The following YTHDF1 variants were observed in gnomAD, a reference collection of about 807,000 sequenced individuals.
YTHDF1 encodes the protein YTH N6-methyladenosine RNA binding protein F1.
A neutral mutation model predicts 49.1 loss-of-function variants in YTHDF1; 16 were observed. The observed-to-expected ratio is 0.33, with a 90% CI of 0.22 to 0.49. The LOEUF (loss-of-function observed/expected upper bound fraction) is 0.49. Ranked by LOEUF, YTHDF1 falls within the 20% of genes least tolerant of loss-of-function variation. YTHDF1 has a pLI of 0.99. For missense variants in YTHDF1, 621 were observed against 744.3 expected (o/e 0.83, Z 1.93); for synonymous variants, 313 against 290.1 (o/e 1.08, Z -0.80).
In YTHDF1 at chr20:63,210,864, C is replaced by G. The variant is rs1295670244; in HGVS notation, c.132+3000G>C. On this transcript the variant is annotated intron_variant, in intron 3 of 4. Transcript: ENST00000370339. ...CCTTCACTCCCAGTTCCTCTGCTCCCCCAACTCCCATTCAAGTCACAGACT... is the reference window on the plus strand; with the variant it reads ...CCTTCACTCCCAGTTCCTCTGCTCCGCCAACTCCCATTCAAGTCACAGACT... 2.0e-5 allele frequency among the ~76,000 whole-genome samples: 3 copies of G among 152,074 alleles called. No individual in the cohort carries two copies. The East Asian group carries it at 5.8e-4, about 29-fold the overall frequency.
At chr20:63,206,675 G>A (rs1438860015) in intron 3 of YTHDF1, among the ~76,000 whole-genome samples, 1 of 152,214 alleles carries the variant, frequency 6.6e-6, no homozygotes, top group Non-Finnish European at 1.5e-5. Context: ...CAGGCAGGCT[G>A]GATACAGTGA....
Position 63,202,992 on chromosome 20 carries a change from C to G in YTHDF1, c.948G>C (p.Gln316His). The G allele has an allele frequency of 6.2e-7, 1 of 1,613,070 alleles. No individual in the cohort carries two copies. Among genetic ancestry groups the G allele is most frequent in the Non-Finnish European group, 8.5e-7 (1 of 1,179,802 alleles). ...PAQPPALAQP[Q>H]YQSPQQPPQT... The stretch of plus-strand genomic sequence containing the variant: ...GGGGTGGCTGCTGAGGGCTCTGATA[C>G]TGCGGTTGAGCCAAAGCTGGGGGCT... Residue 316 changes from glutamine to histidine, a missense_variant, in exon 4 of 5, where the codon CAG becomes CAC. By Grantham distance (24) the Gln-to-His change is conservative. This residue lies in a region of YTHDF1 where 470 missense variants were observed against 495.8 expected (regional missense o/e 0.95). Coordinates refer to ENST00000370339, the MANE Select transcript of YTHDF1 (RefSeq NM_017798.4).
chr20:63,214,680 G>A (rs1360555027), intron 2 of YTHDF1, among the ~76,000 whole-genome samples: 1 of 152,192 alleles, frequency 6.6e-6, no homozygotes, highest in African/African-American at 2.4e-5. Context: ...TCGAGTTTCT[G>A]ATTAGCCTTT....
At chr20:63,198,388 T>C (rs558887141) in intron 4 of YTHDF1, among the ~76,000 whole-genome samples, 6 of 152,200 alleles carry the variant, frequency 3.9e-5, no homozygotes, top group African/African-American at 1.4e-4. Context: ...GAGGTTGCAG[T>C]GAGCTGAGAT....
At chr20:63,196,777 C>A (rs1429954316) in intron 4 of YTHDF1, 43 bp from the exon 5 acceptor site, 5 of 1,611,192 alleles carry the variant, frequency 3.1e-6, no homozygotes, top group Non-Finnish European at 4.2e-6. Flanking sequence ...AGTAACCACA[C>A]CAATGAATCC....
At position 63,203,106 on chromosome 20, in the gene YTHDF1, C is replaced by G; in HGVS notation, c.834G>C (p.Gly278=). Residue 278 remains glycine (G), a synonymous_variant, in exon 4 of 5, where the codon GGG becomes GGC. Transcript: ENST00000370339. This position sits in a 1 kb window ranked among gnomAD's most constrained non-coding sequence, Gnocchi z 4.4. ...NMDIGTWDNK[G]PVPKAPVPQQ... ...GGGGGACTGGGGCCTTCGGCACAGG[C>G]CCCTTGTTATCCCAGGTGCCAATGT... 1.9e-6 allele frequency: 3 copies of G among 1,611,444 alleles called. No individual in the cohort carries two copies. Among genetic ancestry groups the G allele is most frequent in the Non-Finnish European group, 1.7e-6 (2 of 1,178,600 alleles).
chr20:63,211,960 T>TACAC (rs57357558), intron 3 of YTHDF1, among the ~76,000 whole-genome samples: 35 of 143,834 alleles, frequency 2.4e-4, no homozygotes, highest in East Asian at 1.0e-3. Flanking sequence ...GTCTCCAAAA[T>TACAC]ACACACACAC....
chr20:63,203,858 G>A lies in YTHDF1; in HGVS notation c.133-51C>T. Reference sequence around the variant, plus strand: ...CACCACTTCTACAACACGAGATGCTGAGAATGCCAACCGCCTCTTGCTTAA... The same window carrying A: ...CACCACTTCTACAACACGAGATGCTAAGAATGCCAACCGCCTCTTGCTTAA... On this transcript the variant is annotated intron_variant, in intron 3 of 4. Coordinates refer to ENST00000370339, the MANE Select transcript of YTHDF1 (RefSeq NM_017798.4). The surrounding 1 kb of genome is among the most constrained non-coding windows in gnomAD (Gnocchi z 4.4). 3 of 1,523,992 alleles carry A rather than the reference G, an allele frequency of 2.0e-6. No individual in the cohort carries two copies. The highest frequency in any genetic ancestry group is 4.6e-5 in the East Asian group (2 of 43,390). 94.4% of individuals were successfully genotyped at this position (1,523,992 alleles called of 1,614,324 possible).
Position 63,215,867 on chromosome 20 carries a change from TG to T in YTHDF1, c.25del (p.Gln9ArgfsTer43). MSATSVDT[Q>X]RTKGQDNKVQ... ...GCCCCTGTAACCCGGCCCCGCTACC[TG>T]GGTGTCCACGCTGGTGGCCGACATG... On this transcript the variant is annotated frameshift_variant and splice_region_variant, in exon 1 of 5. Coordinates refer to ENST00000370339, the MANE Select transcript of YTHDF1 (RefSeq NM_017798.4). LOFTEE classifies it high-confidence loss of function. 6.9e-7 allele frequency: 1 copy of T among 1,453,830 alleles called. No homozygotes were observed. Among genetic ancestry groups the T allele is most frequent in the Non-Finnish European group, 9.1e-7 (1 of 1,103,340 alleles). The allele number at this position is 1,453,830 out of a possible 1,614,324, so 90.1% of individuals were successfully genotyped here.
At chr20:63,199,812 A>C (rs1437031683) in intron 4 of YTHDF1, among the ~76,000 whole-genome samples, 1 of 147,154 alleles carries the variant, frequency 6.8e-6, no homozygotes, top group East Asian at 2.0e-4. Flanking sequence ...TAATCCCAGC[A>C]CTTTGTGAAG....
chr20:63,214,590 G>A (rs2066592165), intron 2 of YTHDF1, among the ~76,000 whole-genome samples: 1 of 152,188 alleles, frequency 6.6e-6, no homozygotes, highest in South Asian at 2.1e-4. Flanking sequence ...CATTGGTTTG[G>A]TCCGGAGAGG....
chr20:63,196,513 G>T lies in YTHDF1; in HGVS notation c.*195C>A. ...ACAAAAAAAATACTCCTTTATTAGTGACTTCTACAGGATTATAATACATAG... is the reference window on the plus strand; with the variant it reads ...ACAAAAAAAATACTCCTTTATTAGTTACTTCTACAGGATTATAATACATAG... On this transcript the variant is annotated 3_prime_UTR_variant, in exon 5 of 5. Transcript: ENST00000370339. 1.9e-6 allele frequency: 1 copy of T among 519,770 alleles called. No homozygotes were observed. Among genetic ancestry groups the T allele is most frequent in the Non-Finnish European group, 3.4e-6 (1 of 294,818 alleles). 32.2% of individuals were successfully genotyped at this position (519,770 alleles called of 1,614,324 possible).
chr20:63,206,722 C>T (rs142519326), intron 3 of YTHDF1, among the ~76,000 whole-genome samples: 2 of 152,356 alleles, frequency 1.3e-5, no homozygotes, highest in Non-Finnish European at 2.9e-5. Context: ...ATTTTTACCT[C>T]AATCTCACTG....
At chr20:63,212,124 T>C (rs941509746) in intron 3 of YTHDF1, among the ~76,000 whole-genome samples, 2 of 152,114 alleles carry the variant, frequency 1.3e-5, no homozygotes, top group Non-Finnish European at 2.9e-5. Context: ...TTCAAAAAAT[T>C]AGTTAACTTC....
At chr20:63,201,616 T>C (rs926716828) in intron 4 of YTHDF1, among the ~76,000 whole-genome samples, 13 of 152,234 alleles carry the variant, frequency 8.5e-5, no homozygotes, top group African/African-American at 2.7e-4. Flanking sequence ...GCCCAGTCAA[T>C]GAATTTTTGA....
chr20:63,203,723 C>G lies in YTHDF1; in HGVS notation c.217G>C (p.Ala73Pro), dbSNP rs1568991988. Residue 73 changes from alanine (A) to proline (P), a missense_variant, in exon 4 of 5, where the codon GCT (alanine) becomes CCT (proline). Around this residue, in one of 2 missense-constraint regions of YTHDF1, gnomAD observed 470 missense variants for 495.8 expected, o/e 0.95. Transcript: ENST00000370339. The surrounding 1 kb of genome is among the most constrained non-coding windows in gnomAD (Gnocchi z 4.4). Reference sequence around the variant, plus strand: ...GGGTCCCCTGCAGTAGACCACGGAGCCTCATTGAGGGAGTAAGGAAATCCA... The same window carrying G: ...GGGTCCCCTGCAGTAGACCACGGAGGCTCATTGAGGGAGTAAGGAAATCCA... ...SIGFPYSLNE[A>P]PWSTAGDPPI... 6.2e-7 allele frequency: 1 copy of G among 1,614,124 alleles called. No individual in the cohort carries two copies. The highest frequency in any genetic ancestry group is 1.7e-5 in the Admixed American group (1 of 60,016).
At chr20:63,210,924 G>A (rs910201437) in intron 3 of YTHDF1, among the ~76,000 whole-genome samples, 9 of 152,182 alleles carry the variant, frequency 5.9e-5, no homozygotes, top group African/African-American at 1.9e-4. Flanking sequence ...AGTCGCAAGC[G>A]CCTCAGGGGC....
intron 4 of YTHDF1, among the ~76,000 whole-genome samples, chr20:63,199,278 G>T (rs1018694493): frequency 7.9e-5 from 12 of 152,128 alleles, no homozygotes; most frequent in Non-Finnish European, 1.3e-4. Flanking sequence ...CCAGCACTTT[G>T]GGAGGCCAAA....
At chr20:63,201,956 GA>G (rs1161054140) in intron 4 of YTHDF1, among the ~76,000 whole-genome samples, 9 of 152,370 alleles carry the variant, frequency 5.9e-5, no homozygotes, top group Admixed American at 5.9e-4. Context: ...ATTCAAAAAG[GA>G]GAGGAGAAAG....
Sources: allele counts gnomAD v4.1 joint callset (sites outside exome capture counted in the v4.1 genomes callset), GRCh38; gene constraint gnomAD v4.1.1; regional missense constraint gnomAD v4.1.1; non-coding constraint Gnocchi (gnomAD v3.1); transcripts MANE v1.5; gene names NCBI Gene and HGNC (gene_info 2026-07-23, HGNC 2026-07-21).